The following DGKB variants were observed in gnomAD, a reference collection of about 807,000 sequenced individuals.
DGKB encodes the protein diacylglycerol kinase beta.
Under a neutral mutation model 114.3 loss-of-function variants are expected in DGKB, and 67 were observed. The ratio of observed to expected loss-of-function variants is 0.59; its 90% confidence interval spans 0.48 to 0.72. The LOEUF (loss-of-function observed/expected upper bound fraction) is 0.72. Among genes scored for constraint, DGKB ranks in the 30% least tolerant of loss-of-function variants. The pLI is 0.00. For missense variants in DGKB, 907 were observed against 975.2 expected, an observed-to-expected ratio of 0.93 and a Z score of 0.93; for synonymous variants, 398 against 323.1, an observed-to-expected ratio of 1.23 and a Z score of -2.49.
chr7:14,853,800 G>A (rs567787906), intron 1 of DGKB, among the ~76,000 whole-genome samples: 15 of 149,234 alleles, frequency 1.0e-4, no homozygotes, highest in African/African-American at 3.2e-4. Flanking sequence ...CCCACGAGGC[G>A]GAGCTTGCAG....
At chr7:14,296,018 C>T (rs946054186) in intron 23 of DGKB, among the ~76,000 whole-genome samples, 1 of 149,412 alleles carries the variant, frequency 6.7e-6, no homozygotes, top group East Asian at 2.0e-4. Flanking sequence ...CATTCATGTC[C>T]CTGCAAAGGT....
chr7:14,283,497 G>T (rs1277547742), intron 23 of DGKB, among the ~76,000 whole-genome samples: 1 of 150,244 alleles, frequency 6.7e-6, no homozygotes, highest in Admixed American at 6.7e-5. Flanking sequence ...TTTCTTCACA[G>T]AATTGGAAAA....
chr7:14,844,730 C>T (rs971625785), intron 1 of DGKB, among the ~76,000 whole-genome samples: 5 of 152,034 alleles, frequency 3.3e-5, no homozygotes, highest in African/African-American at 4.8e-5. Context: ...GACAAATTAC[C>T]AACAACAAGT....
chr7:14,170,046 A>C (rs1033754106), intron 25 of DGKB, among the ~76,000 whole-genome samples: 6 of 151,486 alleles, frequency 4.0e-5, no homozygotes, highest in African/African-American at 1.5e-4. Context: ...AGGCAGGAGA[A>C]TCGCTTGAAC....
chr7:14,189,359 C>T (rs963552383), intron 23 of DGKB, among the ~76,000 whole-genome samples: 1 of 152,114 alleles, frequency 6.6e-6, no homozygotes, highest in South Asian at 2.1e-4. Flanking sequence ...ATTCTAACTA[C>T]AAGACTCTTT....
At chr7:14,337,479 C>T (rs1468719944) in intron 23 of DGKB, among the ~76,000 whole-genome samples, 2 of 152,076 alleles carry the variant, frequency 1.3e-5, no homozygotes, top group East Asian at 1.9e-4. Flanking sequence ...CTAACACTTT[C>T]TCCATCAATC....
intron 23 of DGKB, among the ~76,000 whole-genome samples, chr7:14,320,178 G>T (rs1807478331): frequency 6.6e-6 from 1 of 152,130 alleles, no homozygotes; most frequent in Non-Finnish European, 1.5e-5. Flanking sequence ...TCCAGCAGTG[G>T]TGGGAACAAC....
At chr7:14,836,170 T>G (rs1847131393) in intron 2 of DGKB, among the ~76,000 whole-genome samples, 1 of 152,120 alleles carries the variant, frequency 6.6e-6, no homozygotes. Flanking sequence ...AAACCAAAGC[T>G]CTTTCCACTA....
intron 23 of DGKB, among the ~76,000 whole-genome samples, chr7:14,184,424 G>C (rs1403032815): frequency 1.3e-5 from 2 of 152,106 alleles, no homozygotes; most frequent in South Asian, 2.1e-4. Flanking sequence ...AACTAACTCG[G>C]GTCTGTTCGT....
At chr7:14,615,362 T>C (rs1386977126) in intron 15 of DGKB, among the ~76,000 whole-genome samples, 1 of 151,926 alleles carries the variant, frequency 6.6e-6, no homozygotes, top group African/African-American at 2.4e-5. Context: ...CAAACTATGT[T>C]TTGAAATGTC....
intron 1 of DGKB, among the ~76,000 whole-genome samples, chr7:14,916,479 A>G (rs1415603536): frequency 6.6e-6 from 1 of 152,142 alleles, no homozygotes; most frequent in African/African-American, 2.4e-5. Flanking sequence ...ATGCTAATCA[A>G]AGTAAAGCTG....
chr7:14,612,846 T>C (rs1312925627), intron 16 of DGKB, among the ~76,000 whole-genome samples: 1 of 152,182 alleles, frequency 6.6e-6, no homozygotes, highest in African/African-American at 2.4e-5. Context: ...AATGCTGAAA[T>C]ACCTGATAAT....
intron 1 of DGKB, among the ~76,000 whole-genome samples, chr7:14,863,755 T>C (rs1355055724): frequency 6.6e-6 from 1 of 152,100 alleles, no homozygotes; most frequent in African/African-American, 2.4e-5. Flanking sequence ...TCATGTTTTT[T>C]GTGGTAAGAA....
chr7:14,334,526 G>A (rs1473415934), intron 23 of DGKB, among the ~76,000 whole-genome samples: 1 of 151,612 alleles, frequency 6.6e-6, no homozygotes, highest in Non-Finnish European at 1.5e-5. Flanking sequence ...TTTGAGAACT[G>A]TTAATATGAC....
intron 21 of DGKB, among the ~76,000 whole-genome samples, chr7:14,459,570 A>G (rs1225997939): frequency 6.6e-6 from 1 of 152,168 alleles, no homozygotes; most frequent in East Asian, 1.9e-4. Flanking sequence ...ATGAAAAGGA[A>G]TGAACAAAGC....
At chr7:14,697,054 T>C (rs1456007614) in intron 8 of DGKB, among the ~76,000 whole-genome samples, 2 of 152,202 alleles carry the variant, frequency 1.3e-5, no homozygotes, top group East Asian at 1.9e-4. Context: ...AAAAATAATA[T>C]AAACTCAATA....
intron 20 of DGKB, among the ~76,000 whole-genome samples, chr7:14,482,997 T>A (rs758315188): frequency 6.6e-6 from 1 of 151,996 alleles, no homozygotes. Context: ...ATCTGTGAAA[T>A]GTTGGCCTGG....
In DGKB at chr7:14,186,582, A is replaced by T. The variant is rs148254122; in HGVS notation, c.2123-8431T>A. 3.3e-3 allele frequency among the ~76,000 whole-genome samples: 505 copies of T among 152,336 alleles called. 2 individuals are homozygous for T. The highest frequency in any genetic ancestry group is 4.4e-3 in the South Asian group (21 of 4,826). ...ATACTTGCACATGCATGTTTATAGC[A>T]GCACAATTCACAATTGCAAAATTGT... On this transcript the variant is annotated intron_variant, in intron 23 of 25. Transcript: ENST00000402815.
chr7:14,694,095 C>A lies in DGKB; in HGVS notation c.691G>T (p.Val231Leu), dbSNP rs1213210779. Residue 231 changes from valine to leucine, a missense_variant, in exon 9 of 26, where the codon GTG becomes TTG. Around this residue, in one of 3 missense-constraint regions of DGKB, gnomAD observed 814 missense variants for 856.6 expected, o/e 0.95. Transcript: ENST00000402815. ...QGGMTTIPLLVLLGLENNVKD... is the reference protein window; with the variant it reads ...QGGMTTIPLLLLLGLENNVKD... ...CTTACATTTTCTAAGCCCAGGAGCA[C>A]AAGAAGTGGAATCGTTGTCATTCCT... The A allele has an allele frequency of 1.9e-6, 3 of 1,590,960 alleles. No homozygotes were observed. Among genetic ancestry groups the A allele is most frequent in the Non-Finnish European group, 2.6e-6 (3 of 1,167,024 alleles).
Sources: gnomAD v4.1 joint callset for allele counts (sites outside exome capture counted in the v4.1 genomes callset) on GRCh38, gnomAD v4.1.1 for gene constraint, gnomAD v4.1.1 regional missense constraint, MANE v1.5 for transcripts, NCBI Gene and HGNC (gene_info 2026-07-23, HGNC 2026-07-21) for gene names.